The following PCDHGC5 variants were observed in gnomAD, a reference collection of about 807,000 sequenced individuals.
The protein encoded by PCDHGC5 is protocadherin gamma subfamily C, 5.
Under a neutral mutation model 59.0 loss-of-function variants are expected in PCDHGC5, and 25 were observed. That is an observed-to-expected ratio of 0.42 (90% CI 0.31 to 0.59). The LOEUF is 0.59. Among genes scored for constraint, PCDHGC5 ranks in the 20% least tolerant of loss-of-function variants. The pLI is 0.13. For synonymous variants in PCDHGC5, 434 were observed against 505.5 expected (o/e 0.86, Z 1.90); for missense variants, 1,067 against 1,206.4 (o/e 0.88, Z 1.71).
intron 2 of PCDHGC5, among the ~76,000 whole-genome samples, chr5:141,495,193 T>C (rs1471524188): frequency 6.6e-6 from 1 of 152,192 alleles, no homozygotes; most frequent in Admixed American, 6.5e-5. Context: ...TCTATGCCCA[T>C]GTACTGCCTA....
At chr5:141,492,548 C>A (rs1028674110) in intron 1 of PCDHGC5, among the ~76,000 whole-genome samples, 1 of 152,218 alleles carries the variant, frequency 6.6e-6, no homozygotes, top group Non-Finnish European at 1.5e-5. Flanking sequence ...TGGGCCGGGT[C>A]GCCTGGGGGG....
At chr5:141,505,852 G>A (rs2099848673) in intron 3 of PCDHGC5, among the ~76,000 whole-genome samples, 1 of 152,140 alleles carries the variant, frequency 6.6e-6, no homozygotes, top group African/African-American at 2.4e-5. Context: ...TAGAAAGTGG[G>A]GACAGGGACC....
intron 3 of PCDHGC5, chr5:141,508,010 CAAG>C (rs2099865550): frequency 6.6e-6 from 1 of 152,308 alleles, no homozygotes; most frequent in Non-Finnish European, 1.5e-5. Context: ...GGGATGCTCT[CAAG>C]GAGGCTGCGG....
At chr5:141,494,682 C>G (rs1282135022) in intron 1 of PCDHGC5, 125 bp from the exon 2 acceptor site, 16 of 1,564,362 alleles carry the variant, frequency 1.0e-5, no homozygotes, top group African/African-American at 1.4e-5. Context: ...ACCCCTGCCC[C>G]CTCTTAGTCC....
At position 141,490,155 on chromosome 5, in the gene PCDHGC5, G is replaced by A. The variant is rs753981059; in HGVS notation, c.915G>A (p.Leu305=). The change falls in exon 1 of 4, where the codon TTG becomes TTA. Residue 305 remains leucine, a synonymous_variant. Transcript: ENST00000252087. This position sits in a 1 kb window ranked among gnomAD's most constrained non-coding sequence, Gnocchi z 5.4. ...CTAGCAGTGGGGCAATCCATGTGTT[G>A]GGTCCCATAGACTTTGAGGAGTCAC... ...LDPSSGAIHV[L]GPIDFEESRF... 2 of 1,614,214 alleles carry A rather than the reference G, an allele frequency of 1.2e-6. No individual in the cohort carries two copies. The highest frequency in any genetic ancestry group is 1.1e-5 in the South Asian group (1 of 91,086).
Sources: gnomAD v4.1 joint callset for allele counts (sites outside exome capture counted in the v4.1 genomes callset) on GRCh38, gnomAD v4.1.1 for gene constraint, Gnocchi (gnomAD v3.1) non-coding constraint, MANE v1.5 for transcripts, NCBI Gene and HGNC (gene_info 2026-07-23, HGNC 2026-07-21) for gene names.